SMAD9: variants seen among roughly 807,000 people sequenced by gnomAD.
SMAD9 encodes the protein MAD homolog 9.
A neutral mutation model predicts 46.1 loss-of-function variants in SMAD9; 36 were observed. The observed-to-expected ratio is 0.78, with a 90% CI of 0.60 to 1.03. The LOEUF (loss-of-function observed/expected upper bound fraction) is 1.03. Among genes scored for constraint, SMAD9 ranks in the 50% least tolerant of loss-of-function variants. SMAD9 has a pLI of 0.00. For synonymous variants in SMAD9, 245 were observed against 237.1 expected (o/e 1.03, Z -0.31); for missense variants, 572 against 599.8 (o/e 0.95, Z 0.48).
chr13:36,920,206 G>GCGGCGGCCCCAGCCGGCGT lies in SMAD9; in HGVS notation c.-278_-277insACGCCGGCTGGGGCCGCCG, dbSNP rs2058734586. 1 of 165,408 alleles carries GCGGCGGCCCCAGCCGGCGT rather than the reference G, an allele frequency of 6.0e-6. No homozygotes were observed. Among genetic ancestry groups the GCGGCGGCCCCAGCCGGCGT allele is most frequent in the African/African-American group, 2.4e-5 (1 of 41,226 alleles). The allele number at this position is 165,408 out of a possible 1,614,324, so 10.2% of individuals were successfully genotyped here. ...TGCAGCAGCGGCGGCGGCGGCGGCG[G>GCGGCGGCCCCAGCCGGCGT]CGGCGGCGGCCCCAGCCGGCGTCAG... On this transcript the variant is annotated 5_prime_UTR_variant, in exon 1 of 7. Transcript: ENST00000379826.
At chr13:36,900,865 T>A (rs536694248) in intron 1 of SMAD9, among the ~76,000 whole-genome samples, 2 of 152,228 alleles carry the variant, frequency 1.3e-5, no homozygotes, top group South Asian at 4.1e-4. Context: ...CCATCACCTT[T>A]ACCTAGTTCC....
intron 1 of SMAD9, among the ~76,000 whole-genome samples, chr13:36,911,701 A>ATTTATTT (rs146668387): frequency 2.0e-5 from 3 of 150,238 alleles, no homozygotes; most frequent in African/African-American, 4.9e-5. Context: ...GGGAAGCTCA[A>ATTTATTT]TTTATTTTTT....
chr13:36,851,741 T>A (rs1300165620), intron 6 of SMAD9: 1 of 972,780 alleles, frequency 1.0e-6, no homozygotes, highest in Non-Finnish European at 1.2e-6. Context: ...AAAAAAATGA[T>A]CTATAGTTAT....
At chr13:36,882,233 G>C (rs1291426558) in intron 1 of SMAD9, among the ~76,000 whole-genome samples, 10 of 122,740 alleles carry the variant, frequency 8.1e-5, no homozygotes, top group Non-Finnish European at 1.5e-4. Context: ...TGTGCTGTGT[G>C]TGTGTGTGTG....
In SMAD9 at chr13:36,864,486, A is replaced by T. The variant is rs567792704; in HGVS notation, c.1003+1051T>A. On this transcript the variant is annotated intron_variant, in intron 5 of 6. Transcript: ENST00000379826. Reference sequence around the variant, plus strand: ...AACAATGCTAACCCTTATGGATGACATATCTGGATTCTTCTCCCCTCCCCT... The same window carrying T: ...AACAATGCTAACCCTTATGGATGACTTATCTGGATTCTTCTCCCCTCCCCT... 4.6e-5 allele frequency among the ~76,000 whole-genome samples: 7 copies of T among 152,318 alleles called. No homozygotes were observed. In the South Asian group the frequency reaches 1.2e-3, roughly 27 times the overall value.
At chr13:36,863,814 G>A (rs908495669) in intron 5 of SMAD9, among the ~76,000 whole-genome samples, 3 of 152,062 alleles carry the variant, frequency 2.0e-5, no homozygotes, top group Admixed American at 1.3e-4. Flanking sequence ...GCACATGCCA[G>A]TACAGCCTGC....
intron 6 of SMAD9, among the ~76,000 whole-genome samples, chr13:36,853,076 G>C (rs1242393978): frequency 1.3e-5 from 2 of 152,144 alleles, no homozygotes; most frequent in African/African-American, 4.8e-5. Flanking sequence ...CACAAGGTCA[G>C]GAGTTCAAGA....
chr13:36,863,642 G>C (rs2058204861), intron 5 of SMAD9, among the ~76,000 whole-genome samples: 1 of 152,118 alleles, frequency 6.6e-6, no homozygotes, highest in South Asian at 2.1e-4. Flanking sequence ...CCTCCTTGAG[G>C]TAATGAGTGG....
At chr13:36,886,171 T>C (rs73533681) in intron 1 of SMAD9, among the ~76,000 whole-genome samples, 4,022 of 152,286 alleles carry the variant, frequency 0.026, 174 homozygotes, top group African/African-American at 0.091. Context: ...ATTAAGTATC[T>C]TGTAAAGGTC....
At position 36,896,547 on chromosome 13, in the gene SMAD9, C is replaced by G. The variant is rs148750614; in HGVS notation, c.-186-16672G>C. On this transcript the variant is annotated intron_variant, in intron 1 of 6. Coordinates refer to ENST00000379826, the MANE Select transcript of SMAD9 (RefSeq NM_001127217.3). ...ATTGCCAGACTTCTACAATGCATAT[C>G]TGATCCTACCATTCTCCTGTTAAAA... Among the ~76,000 whole-genome samples the G allele has an allele frequency of 1.2e-3, 180 of 152,290 alleles. 3 individuals carry two copies. The highest frequency in any genetic ancestry group is 4.1e-3 in the African/African-American group (170 of 41,574).
At chr13:36,864,438 G>A (rs2058212294) in intron 5 of SMAD9, among the ~76,000 whole-genome samples, 1 of 152,152 alleles carries the variant, frequency 6.6e-6, no homozygotes. Flanking sequence ...TACTAACCAG[G>A]CCCGACCCTG....
intron 2 of SMAD9, among the ~76,000 whole-genome samples, chr13:36,877,221 G>A (rs1593585903): frequency 6.6e-6 from 1 of 152,154 alleles, no homozygotes; most frequent in East Asian, 1.9e-4. Flanking sequence ...AAGTAGCTGG[G>A]CATGGTGGCA....
intron 1 of SMAD9, among the ~76,000 whole-genome samples, chr13:36,882,062 T>A (rs1222387614): frequency 6.6e-6 from 1 of 152,238 alleles, no homozygotes; most frequent in East Asian, 1.9e-4. Flanking sequence ...TTCGTTTTTT[T>A]AAACTGTGGG....
intron 1 of SMAD9, among the ~76,000 whole-genome samples, chr13:36,882,555 T>C (rs1238699821): frequency 6.6e-6 from 1 of 152,076 alleles, no homozygotes. Flanking sequence ...AAAACTGTGA[T>C]TTTACTGCTG....
At chr13:36,917,573 T>C (rs1300350627) in intron 1 of SMAD9, among the ~76,000 whole-genome samples, 1 of 146,388 alleles carries the variant, frequency 6.8e-6, no homozygotes, top group Non-Finnish European at 1.5e-5. Context: ...CCTCTCTAAG[T>C]GTCCAAAACA....
upstream of SMAD9, chr13:36,920,291 A>AGGGAGCCCTGCTTGCGGCCC (rs1485724445): frequency 4.9e-5 from 7 of 142,250 alleles, no homozygotes; most frequent in African/African-American, 1.7e-4. Flanking sequence ...GAAAGCGGCC[A>AGGGAGCCCTGCTTGCGGCCC]GGGAGCCCTG....
chr13:36,848,940 GGAGAGA>G, intron 6 of SMAD9, 121 bp from the exon 7 acceptor site: 2 of 893,672 alleles, frequency 2.2e-6, no homozygotes, highest in Non-Finnish European at 3.5e-6. Context: ...GACCTGAGAG[GGAGAGA>G]ACATGGCCTC....
At position 36,879,675 on chromosome 13, in the gene SMAD9, G is replaced by C. The variant is rs368379610; in HGVS notation, c.15C>G (p.Thr5=). 36 of 1,614,050 alleles carry C rather than the reference G, an allele frequency of 2.2e-5. 1 individual carries two copies. In the Middle Eastern group the frequency reaches 5.0e-4, roughly 22 times the overall value. MHST[T]PISSLFSFTS... ...TGAAGGAGAAGAGGGAGCTGATGGG[G>C]GTGGTGGAGTGCATAAGAGGCCACA... Residue 5 remains threonine (T), a synonymous_variant, in exon 2 of 7, where the codon ACC becomes ACG. Coordinates refer to ENST00000379826, the MANE Select transcript of SMAD9 (RefSeq NM_001127217.3).
intron 5 of SMAD9, among the ~76,000 whole-genome samples, chr13:36,864,244 G>A (rs1248848377): frequency 6.6e-6 from 1 of 152,208 alleles, no homozygotes; most frequent in East Asian, 1.9e-4. Context: ...ACATTCCAGA[G>A]TGAGTTTTTC....
Sources: gnomAD v4.1 joint callset for allele counts (sites outside exome capture counted in the v4.1 genomes callset) on GRCh38, gnomAD v4.1.1 for gene constraint, MANE v1.5 for transcripts, NCBI Gene and HGNC (gene_info 2026-07-23, HGNC 2026-07-21) for gene names.